Variants in PCDHGB6 observed in about 807,000 individuals in gnomAD.
PCDHGB6 encodes protocadherin gamma subfamily B, 6, also known as protocadherin gamma-B6.
PCDHGB6 carries 51 observed loss-of-function variants against 59.1 expected under a neutral mutation model. The observed-to-expected ratio is 0.86, with a 90% CI of 0.69 to 1.09. PCDHGB6 has a LOEUF of 1.09. Among genes scored for constraint, PCDHGB6 ranks in the 50% least tolerant of loss-of-function variants. PCDHGB6 has a pLI of 0.00. For missense variants in PCDHGB6, 1,148 were observed against 1,205.1 expected (o/e 0.95, Z 0.70); for synonymous variants, 466 against 495.1 (o/e 0.94, Z 0.78).
At chr5:141,414,244 T>A in intron 1 of PCDHGB6, 1 of 1,613,526 alleles carries the variant, frequency 6.2e-7, no homozygotes, top group Admixed American at 1.7e-5. Context: ...CACGTCTCTA[T>A]TTAGTCCAGT....
Position 141,491,844 on chromosome 5 carries a change from G to A in PCDHGB6, c.2419-2963G>A. On this transcript the variant is annotated intron_variant, in intron 1 of 3. Transcript: ENST00000520790. The surrounding 1 kb of genome is among the most constrained non-coding windows in gnomAD (Gnocchi z 6.9). ...GCTCCACCCGATTCTCGGGATCATT[G>A]GACCGTTTGCGCGAAACCAGAGTGG... 1 of 1,464,184 alleles carries A rather than the reference G, an allele frequency of 6.8e-7. No homozygotes were observed. 90.7% of individuals were successfully genotyped at this position (1,464,184 alleles called of 1,614,324 possible).
chr5:141,412,559 G>C (rs1408913988), intron 1 of PCDHGB6: 2 of 152,100 alleles, frequency 1.3e-5, no homozygotes, highest in African/African-American at 4.8e-5. Context: ...TATCTCATGA[G>C]TTTATTTAAT....
chr5:141,448,639 T>A (rs1248697237), intron 1 of PCDHGB6, among the ~76,000 whole-genome samples: 1 of 152,148 alleles, frequency 6.6e-6, no homozygotes, highest in Admixed American at 6.6e-5. Flanking sequence ...CATTATATCC[T>A]TTAAAAATAT....
chr5:141,438,347 C>T (rs150878327), intron 1 of PCDHGB6, among the ~76,000 whole-genome samples: 7 of 151,730 alleles, frequency 4.6e-5, no homozygotes, highest in Non-Finnish European at 2.9e-5. Flanking sequence ...TAAGGATCTA[C>T]TCTGTGTATT....
chr5:141,463,590 A>G (rs975534405), intron 1 of PCDHGB6, among the ~76,000 whole-genome samples: 3 of 151,848 alleles, frequency 2.0e-5, no homozygotes, highest in African/African-American at 7.3e-5. Flanking sequence ...CTGGGACTAC[A>G]GGTGCCTGCC....
chr5:141,433,289 G>A, intron 1 of PCDHGB6: 1 of 1,130,682 alleles, frequency 8.8e-7, no homozygotes, highest in Non-Finnish European at 1.3e-6. Flanking sequence ...AAACTCCTAG[G>A]CTCAAGCAAT....
rs2099687715 is a variant in PCDHGB6, at chr5:141,489,479, T to G, written c.2419-5328T>G. 1.2e-6 allele frequency: 2 copies of G among 1,614,090 alleles called. No individual in the cohort carries two copies. The highest frequency in any genetic ancestry group is 1.7e-6 in the Non-Finnish European group (2 of 1,180,010). ...GGGCGCTATTTTTCCCTGAGCTTGATGAGTGGTGCCCTGGCAGTGAATCAA... is the reference window on the plus strand; with the variant it reads ...GGGCGCTATTTTTCCCTGAGCTTGAGGAGTGGTGCCCTGGCAGTGAATCAA... On this transcript the variant is annotated intron_variant, in intron 1 of 3. Transcript: ENST00000520790. This position sits in a 1 kb window ranked among gnomAD's most constrained non-coding sequence, Gnocchi z 4.5.
At chr5:141,503,133 C>A (rs1164077875) in intron 2 of PCDHGB6, among the ~76,000 whole-genome samples, 1 of 152,002 alleles carries the variant, frequency 6.6e-6, no homozygotes, top group Non-Finnish European at 1.5e-5. Context: ...CTGGTAGCCC[C>A]TGACACAGCC....
rs753664223 is a variant in PCDHGB6, at chr5:141,410,518, C to T, written c.2316C>T (p.Pro772=). ...KEFNFLKCSV[P]LHSNEDMVCS... Reference sequence around the variant, plus strand: ...TTAATTTCCTAAAATGCAGTGTGCCCCTACATTCCAATGAAGACATGGTTT... The same window carrying T: ...TTAATTTCCTAAAATGCAGTGTGCCTCTACATTCCAATGAAGACATGGTTT... Residue 772 remains proline, a synonymous_variant, in exon 1 of 4, where the codon CCC becomes CCT. Coordinates refer to ENST00000520790, the MANE Select transcript of PCDHGB6 (RefSeq NM_018926.3). The T allele has an allele frequency of 6.2e-7, 1 of 1,613,820 alleles. No individual in the cohort carries two copies. Among genetic ancestry groups the T allele is most frequent in the Non-Finnish European group, 8.5e-7 (1 of 1,179,898 alleles).
intron 2 of PCDHGB6, among the ~76,000 whole-genome samples, chr5:141,497,390 C>T (rs2099776143): frequency 6.6e-6 from 1 of 152,158 alleles, no homozygotes; most frequent in Non-Finnish European, 1.5e-5. Context: ...GAGCACCTTA[C>T]CCCTGCCTCA....
Position 141,438,591 on chromosome 5 carries a change from C to CAT in PCDHGB6, c.2418+28015_2418+28016dup, listed in dbSNP as rs946798767. On this transcript the variant is annotated intron_variant, in intron 1 of 3. Coordinates refer to ENST00000520790, the MANE Select transcript of PCDHGB6 (RefSeq NM_018926.3). ...TCTGATATACATACATACATACATA[C>CAT]ATATATATATATATATATATATATA... Among the ~76,000 whole-genome samples the CAT allele has an allele frequency of 6.3e-3, 476 of 75,268 alleles. 1 individual carries two copies. The highest frequency in any genetic ancestry group is 9.5e-3 in the Non-Finnish European group (352 of 37,106). 49.4% of individuals were successfully genotyped at this position (75,268 alleles called of 152,430 possible). A position where few individuals can be genotyped will look rare whatever the true frequency, so the allele number is the denominator to read the frequency against.
At chr5:141,413,333 C>T in intron 1 of PCDHGB6, 1 of 1,613,966 alleles carries the variant, frequency 6.2e-7, no homozygotes, top group Non-Finnish European at 8.5e-7. Context: ...GGCAACATCT[C>T]CAAGGACTTG....
chr5:141,439,211 A>G (rs1438403213), intron 1 of PCDHGB6, among the ~76,000 whole-genome samples: 1 of 151,666 alleles, frequency 6.6e-6, no homozygotes, highest in Non-Finnish European at 1.5e-5. Flanking sequence ...AAAAATCCAT[A>G]TGTGAAAATT....
intron 1 of PCDHGB6, among the ~76,000 whole-genome samples, chr5:141,467,790 C>T (rs1321576171): frequency 6.6e-6 from 1 of 152,118 alleles, no homozygotes; most frequent in Non-Finnish European, 1.5e-5. Context: ...TCTCAAGTAG[C>T]TGGGACTACA....
chr5:141,478,076 C>G (rs1486983629), intron 1 of PCDHGB6: 2 of 1,614,106 alleles, frequency 1.2e-6, no homozygotes, highest in Non-Finnish European at 1.7e-6. Context: ...CAATGGGGAG[C>G]CTTCGCTCTC....
intron 1 of PCDHGB6, among the ~76,000 whole-genome samples, chr5:141,424,839 A>G (rs1264853498): frequency 6.6e-6 from 1 of 152,198 alleles, no homozygotes; most frequent in Non-Finnish European, 1.5e-5. Context: ...CATACATGTT[A>G]TCTGAAGCAA....
intron 1 of PCDHGB6, chr5:141,423,091 G>A (rs1243671863): frequency 6.2e-7 from 1 of 1,613,908 alleles, no homozygotes; most frequent in Non-Finnish European, 8.5e-7. Flanking sequence ...CGCGGTGGGG[G>A]AGCACACGGG....
At position 141,486,923 on chromosome 5, in the gene PCDHGB6, G is replaced by A. The variant is rs1377159895; in HGVS notation, c.2419-7884G>A. ...ATGTCCCCAAGCACTGCCTCCATCAGTTGGTGCTGGCCACCTAATCACAAA... is the reference window on the plus strand; with the variant it reads ...ATGTCCCCAAGCACTGCCTCCATCAATTGGTGCTGGCCACCTAATCACAAA... On this transcript the variant is annotated intron_variant, in intron 1 of 3. Transcript: ENST00000520790. This position sits in a 1 kb window ranked among gnomAD's most constrained non-coding sequence, Gnocchi z 5.0. 6.2e-7 allele frequency: 1 copy of A among 1,614,252 alleles called. No individual in the cohort carries two copies. Among genetic ancestry groups the A allele is most frequent in the Admixed American group, 1.7e-5 (1 of 60,028 alleles).
At chr5:141,478,618 G>A (rs1374855853) in intron 1 of PCDHGB6, 1 of 1,556,056 alleles carries the variant, frequency 6.4e-7, no homozygotes, top group Non-Finnish European at 8.7e-7. Flanking sequence ...GGAAGGAATG[G>A]AGCTGTTTTT....
Sources: gnomAD v4.1 joint callset for allele counts (sites outside exome capture counted in the v4.1 genomes callset) on GRCh38, gnomAD v4.1.1 for gene constraint, Gnocchi (gnomAD v3.1) non-coding constraint, MANE v1.5 for transcripts, NCBI Gene and HGNC (gene_info 2026-07-23, HGNC 2026-07-21) for gene names.